Variants in IGSF21 observed in about 807,000 individuals in gnomAD.
The protein encoded by IGSF21 is immunoglobulin superfamily member 21.
A neutral mutation model predicts 46.8 loss-of-function variants in IGSF21; 28 were observed. The ratio of observed to expected loss-of-function variants is 0.60; its 90% CI spans 0.44 to 0.82. The LOEUF (loss-of-function observed/expected upper bound fraction) is 0.82, where lower values mean the gene tolerates loss of function less well. IGSF21 is among the 40% of genes least tolerant of loss of function. The pLI is 0.00. For missense variants in IGSF21, 624 were observed against 665.5 expected (o/e 0.94, Z 0.69); for synonymous variants, 284 against 273.6 (o/e 1.04, Z -0.38).
intron 1 of IGSF21, among the ~76,000 whole-genome samples, chr1:18,175,998 G>A (rs1011011927): frequency 3.3e-5 from 5 of 152,228 alleles, no homozygotes; most frequent in Non-Finnish European, 2.9e-5. Context: ...TGGGCATGCC[G>A]CTGGATGTGA....
intron 2 of IGSF21, among the ~76,000 whole-genome samples, chr1:18,235,046 ACT>A (rs2084660387): frequency 6.6e-6 from 1 of 152,238 alleles, no homozygotes; most frequent in South Asian, 2.1e-4. Context: ...GGGGTACCTG[ACT>A]CTGACAGCTC....
intron 2 of IGSF21, among the ~76,000 whole-genome samples, chr1:18,263,325 A>G (rs2084963306): frequency 6.6e-6 from 1 of 152,092 alleles, no homozygotes; most frequent in African/African-American, 2.4e-5. Flanking sequence ...TTGTGAAACA[A>G]CAATGAGGTG....
chr1:18,199,870 C>T (rs556922640), intron 1 of IGSF21, among the ~76,000 whole-genome samples: 3 of 152,156 alleles, frequency 2.0e-5, no homozygotes, highest in African/African-American at 7.2e-5. Context: ...CTTGGGGGCT[C>T]ACACTAGGGA....
chr1:18,310,752 T>G (rs1278385168), intron 3 of IGSF21, among the ~76,000 whole-genome samples: 1 of 152,196 alleles, frequency 6.6e-6, no homozygotes, highest in African/African-American at 2.4e-5. Flanking sequence ...AAGTCTGAAA[T>G]CAAGGTGTTG....
chr1:18,149,190 G>A (rs2086498353), intron 1 of IGSF21, among the ~76,000 whole-genome samples: 1 of 152,044 alleles, frequency 6.6e-6, no homozygotes, highest in Non-Finnish European at 1.5e-5. Flanking sequence ...CACAGCCCCT[G>A]CTGGCCAATG....
intron 4 of IGSF21, among the ~76,000 whole-genome samples, chr1:18,338,784 T>C (rs980550554): frequency 6.6e-6 from 1 of 152,138 alleles, no homozygotes; most frequent in African/African-American, 2.4e-5. Context: ...AAAATGTTTT[T>C]ATCCGAGCTG....
intron 9 of IGSF21, among the ~76,000 whole-genome samples, chr1:18,377,824 C>A (rs1476815163): frequency 6.6e-6 from 1 of 152,200 alleles, no homozygotes; most frequent in Non-Finnish European, 1.5e-5. Flanking sequence ...TTCTGAGACT[C>A]CAGACCACTC....
At chr1:18,298,541 C>T (rs747237804) in intron 3 of IGSF21, among the ~76,000 whole-genome samples, 4 of 152,208 alleles carry the variant, frequency 2.6e-5, no homozygotes, top group Non-Finnish European at 4.4e-5. Context: ...AACAGCTGGG[C>T]GGGGCAGGGT....
intron 3 of IGSF21, among the ~76,000 whole-genome samples, chr1:18,315,986 G>A (rs2085539500): frequency 6.6e-6 from 1 of 152,136 alleles, no homozygotes. Context: ...AAAGTCATTT[G>A]GTGTTCTTTA....
intron 4 of IGSF21, among the ~76,000 whole-genome samples, chr1:18,338,530 C>T (rs1439980032): frequency 4.6e-5 from 7 of 152,172 alleles, no homozygotes; most frequent in Non-Finnish European, 1.0e-4. Context: ...GAGCTGGGGA[C>T]GGCCCAGGGC....
intron 1 of IGSF21, among the ~76,000 whole-genome samples, chr1:18,146,331 A>T (rs2086466527): frequency 6.6e-6 from 1 of 152,178 alleles, no homozygotes; most frequent in African/African-American, 2.4e-5. Context: ...TCTGCTTTGT[A>T]CCAAGAGGGG....
intron 1 of IGSF21, among the ~76,000 whole-genome samples, chr1:18,224,665 G>A (rs1210772860): frequency 6.6e-6 from 1 of 152,162 alleles, no homozygotes; most frequent in Non-Finnish European, 1.5e-5. Flanking sequence ...ATGCATAAAG[G>A]AAAGACAGGA....
At chr1:18,286,422 C>A (rs1368610356) in intron 2 of IGSF21, among the ~76,000 whole-genome samples, 2 of 152,176 alleles carry the variant, frequency 1.3e-5, no homozygotes, top group African/African-American at 4.8e-5. Context: ...GAAGGGAGGG[C>A]TGGGGGACAC....
At position 18,162,467 on chromosome 1, in the gene IGSF21, T is replaced by C. The variant is rs758452664; in HGVS notation, c.70+54269T>C. ...AACTCCCTAGCAGTGCCAGACAGCA[T>C]TAGGGAGCTGCAGCTCCCAGTCACC... On this transcript the variant is annotated intron_variant, in intron 1 of 9. Coordinates refer to ENST00000251296, the MANE Select transcript of IGSF21 (RefSeq NM_032880.5). Among the ~76,000 whole-genome samples, 14 of 152,060 alleles carry C rather than the reference T, an allele frequency of 9.2e-5. 1 individual carries two copies. Among genetic ancestry groups the C allele is most frequent in the Non-Finnish European group, 1.6e-4 (11 of 68,016 alleles).
chr1:18,206,532 G>C (rs2084329426), intron 1 of IGSF21, among the ~76,000 whole-genome samples: 1 of 148,800 alleles, frequency 6.7e-6, no homozygotes, highest in Non-Finnish European at 1.5e-5. Context: ...CTAGGTAATA[G>C]AGTGAGACCC....
chr1:18,188,147 T>C (rs55966341), intron 1 of IGSF21, among the ~76,000 whole-genome samples: 14,063 of 152,168 alleles, frequency 0.092, 1,074 homozygotes, highest in Admixed American at 0.27. Flanking sequence ...TGTGGCTTGC[T>C]AGGATATTTT....
intron 1 of IGSF21, among the ~76,000 whole-genome samples, chr1:18,159,144 G>A (rs778516836): frequency 7.9e-5 from 12 of 152,202 alleles, no homozygotes; most frequent in East Asian, 1.9e-4. Flanking sequence ...CAGCTGTTCT[G>A]TTCTATTGAC....
chr1:18,227,983 G>A lies in IGSF21; in HGVS notation c.156G>A (p.Gly52=), dbSNP rs747570981. The part of the protein sequence containing the change: ...VTLKCNFKTD[G]RMREIVWYRV... ...TGAAGTGTAACTTCAAGACAGATGG[G>A]CGCATGCGGGAGATCGTGTGGTACC... is the stretch of plus-strand genomic sequence containing the variant. The change falls in exon 2 of 10, where the codon GGG becomes GGA. Residue 52 remains glycine, a synonymous_variant. Transcript: ENST00000251296. 1 of 1,613,962 alleles carries A rather than the reference G, an allele frequency of 6.2e-7. No individual in the cohort carries two copies. The highest frequency in any genetic ancestry group is 1.3e-5 in the African/African-American group (1 of 75,046).
intron 1 of IGSF21, among the ~76,000 whole-genome samples, chr1:18,198,451 G>T (rs1394845080): frequency 1.3e-5 from 2 of 152,196 alleles, no homozygotes; most frequent in Non-Finnish European, 2.9e-5. Context: ...CAGGAGCCAG[G>T]CTCCCAGGGT....
Sources: gnomAD v4.1 joint callset for allele counts (sites outside exome capture counted in the v4.1 genomes callset) on GRCh38, gnomAD v4.1.1 for gene constraint, MANE v1.5 for transcripts, NCBI Gene and HGNC (gene_info 2026-07-23, HGNC 2026-07-21) for gene names.